Variants in PTBP3 observed in about 807,000 individuals in gnomAD.
PTBP3 encodes polypyrimidine tract binding protein 3.
In PTBP3, 20 loss-of-function variants were observed where a neutral mutation model predicts 58.7. The ratio of observed to expected loss-of-function variants is 0.34; its 90% CI spans 0.24 to 0.50. The LOEUF (loss-of-function observed/expected upper bound fraction) is 0.50. Among genes scored for constraint, PTBP3 ranks in the 20% least tolerant of loss-of-function variants. The pLI, the probability that PTBP3 is intolerant of heterozygous loss-of-function variation, is 0.98. For missense variants in PTBP3, 509 were observed against 637.2 expected (o/e 0.80, Z 2.17); for synonymous variants, 185 against 219.8 (o/e 0.84, Z 1.40).
At chr9:112,371,031 G>A in the PTBP3 span, among the ~76,000 whole-genome samples, 3 of 151,772 alleles carry the variant, frequency 2.0e-5, no homozygotes, top group Non-Finnish European at 4.4e-5. Flanking sequence ...GATTCCTTAG[G>A]TTTTTCTAGA....
At chr9:112,246,219 T>A (rs189645900) in intron 7 of PTBP3, among the ~76,000 whole-genome samples, 1 of 151,288 alleles carries the variant, frequency 6.6e-6, no homozygotes, top group East Asian at 2.0e-4. Flanking sequence ...CCGACCTCAA[T>A]TGATCCACCC....
chr9:112,250,723 C>A (rs1429143449), intron 7 of PTBP3, among the ~76,000 whole-genome samples: 1 of 152,086 alleles, frequency 6.6e-6, no homozygotes, highest in Non-Finnish European at 1.5e-5. Context: ...ATTTGTAACT[C>A]AATTTCAGAT....
chr9:112,240,600 T>C (rs1400544446), intron 7 of PTBP3, among the ~76,000 whole-genome samples: 1 of 151,298 alleles, frequency 6.6e-6, no homozygotes, highest in Non-Finnish European at 1.5e-5. Flanking sequence ...TTATATAGTA[T>C]ATACTATACT....
the PTBP3 span, among the ~76,000 whole-genome samples, chr9:112,348,386 G>C: frequency 6.6e-6 from 1 of 152,238 alleles, no homozygotes; most frequent in Non-Finnish European, 1.5e-5. Flanking sequence ...GTGGCCTCGA[G>C]CATGTGCACT....
intron 5 of PTBP3, among the ~76,000 whole-genome samples, chr9:112,260,095 G>C (rs1403423901): frequency 1.3e-5 from 2 of 152,118 alleles, no homozygotes; most frequent in African/African-American, 2.4e-5. Flanking sequence ...TTTTAGAAGA[G>C]ATAGGGTTTC....
At chr9:112,368,819 G>C in the PTBP3 span, among the ~76,000 whole-genome samples, 1 of 152,214 alleles carries the variant, frequency 6.6e-6, no homozygotes, top group Admixed American at 6.5e-5. Context: ...TCCAGGGCAT[G>C]TCAGAGGTCT....
At chr9:112,343,566 G>C in the PTBP3 span, among the ~76,000 whole-genome samples, 1 of 152,114 alleles carries the variant, frequency 6.6e-6, no homozygotes, top group African/African-American at 2.4e-5. Context: ...GAGGTGGGCA[G>C]ATCACCTGAG....
At chr9:112,295,142 G>T (rs1451602055) in intron 2 of PTBP3, among the ~76,000 whole-genome samples, 2 of 151,874 alleles carry the variant, frequency 1.3e-5, no homozygotes, top group Non-Finnish European at 2.9e-5. Flanking sequence ...CAGAGGCCGA[G>T]GCAGGAGAAT....
At chr9:112,308,242 G>T (rs1226647482) in intron 1 of PTBP3, among the ~76,000 whole-genome samples, 2 of 151,512 alleles carry the variant, frequency 1.3e-5, no homozygotes, top group Non-Finnish European at 2.9e-5. Flanking sequence ...GTCCAGGCTG[G>T]TCTCAAACTC....
At chr9:112,330,803 A>G (rs183088830) in intron 1 of PTBP3, among the ~76,000 whole-genome samples, 3 of 152,314 alleles carry the variant, frequency 2.0e-5, no homozygotes, top group Non-Finnish European at 2.9e-5. Flanking sequence ...TAAAATCACC[A>G]AAGTTTGTTC....
chr9:112,269,680 T>C (rs13285948), intron 3 of PTBP3, among the ~76,000 whole-genome samples: 41,095 of 152,080 alleles, frequency 0.27, 6,904 homozygotes, highest in South Asian at 0.42. Flanking sequence ...ATGATTTTTA[T>C]TTGAGATCAT....
At chr9:112,319,717 C>G (rs371375277) in intron 1 of PTBP3, among the ~76,000 whole-genome samples, 1 of 41,036 alleles carries the variant, frequency 2.4e-5, no homozygotes, top group Non-Finnish European at 5.1e-5. Context: ...GAAAAGACAT[C>G]TGCATTCCCA....
intron 7 of PTBP3, among the ~76,000 whole-genome samples, chr9:112,239,216 C>T (rs1386265093): frequency 1.3e-5 from 2 of 152,132 alleles, no homozygotes; most frequent in African/African-American, 2.4e-5. Context: ...CAGTGCTAAA[C>T]TTCAAACCAG....
At chr9:112,376,267 T>TTC in the PTBP3 span, among the ~76,000 whole-genome samples, 1 of 142,594 alleles carries the variant, frequency 7.0e-6, no homozygotes, top group Admixed American at 7.0e-5. Flanking sequence ...TTTTTTTTTT[T>TTC]TTTTTGAGAA....
chr9:112,258,337 A>C (rs1325143752), intron 5 of PTBP3, among the ~76,000 whole-genome samples: 2 of 152,144 alleles, frequency 1.3e-5, no homozygotes, highest in African/African-American at 4.8e-5. Flanking sequence ...TTCTATCTAC[A>C]AATACTCTGA....
At position 112,254,904 on chromosome 9, in the gene PTBP3, A is replaced by T. The variant is rs538888467; in HGVS notation, c.517-2116T>A. 2.4e-4 allele frequency among the ~76,000 whole-genome samples: 37 copies of T among 152,326 alleles called. No homozygotes were observed. In the South Asian group the frequency reaches 6.0e-3, roughly 25 times the overall value. ...AAAAATTGAAAACAGGGACTCAAAG[A>T]GATATGCATATACCCATGTGTATCG... On this transcript the variant is annotated intron_variant, in intron 5 of 13. Coordinates refer to ENST00000374257, the MANE Select transcript of PTBP3 (RefSeq NM_001163788.4).
the PTBP3 span, among the ~76,000 whole-genome samples, chr9:112,349,811 C>T: frequency 1.6e-5 from 2 of 126,326 alleles, no homozygotes; most frequent in African/African-American, 3.0e-5. Context: ...TTGCGGTGAA[C>T]CGAGATTGCG....
rs114582471 is a variant in PTBP3 at position 112,305,808 on chromosome 9, C to G, written c.-51-7892G>C. Among the ~76,000 whole-genome samples the G allele has an allele frequency of 8.6e-3, 1,306 of 152,146 alleles. 23 individuals are homozygous for G. The highest frequency in any genetic ancestry group is 0.03 in the African/African-American group (1,245 of 41,500). On this transcript the variant is annotated intron_variant, in intron 1 of 13. Transcript: ENST00000374257. ...ACAAAAAATGAGCCGGGCGTGGTGA[C>G]GGACGCCTGTAGTTCCAGCTACTCG...
the PTBP3 span, among the ~76,000 whole-genome samples, chr9:112,348,949 TTCAA>T: frequency 6.6e-6 from 1 of 152,234 alleles, no homozygotes; most frequent in Non-Finnish European, 1.5e-5. Context: ...TCCAAATTCA[TTCAA>T]TCATTTAAAA....
Sources: allele counts gnomAD v4.1 joint callset (sites outside exome capture counted in the v4.1 genomes callset), GRCh38; gene constraint gnomAD v4.1.1; transcripts MANE v1.5; gene names NCBI Gene and HGNC (gene_info 2026-07-23, HGNC 2026-07-21).